Variants in SBF2 observed in about 807,000 individuals in gnomAD.
The protein encoded by SBF2 is myotubularin-related protein 13.
A neutral mutation model predicts 225.2 loss-of-function variants in SBF2; 112 were observed. That is an observed-to-expected ratio of 0.50 (90% confidence interval 0.43 to 0.58). The LOEUF is 0.58. Among genes scored for constraint, SBF2 ranks in the 20% least tolerant of loss-of-function variants. SBF2 has a pLI of 0.00. For missense variants in SBF2, 1,996 were observed against 2,206.2 expected, an observed-to-expected ratio of 0.90 and a Z score of 1.91; for synonymous variants, 763 against 773.3, an observed-to-expected ratio of 0.99 and a Z score of 0.22.
At chr11:10,269,070 A>G (rs1962251803) in intron 1 of SBF2, among the ~76,000 whole-genome samples, 1 of 152,240 alleles carries the variant, frequency 6.6e-6, no homozygotes, top group Non-Finnish European at 1.5e-5. Context: ...TACTGAGAGT[A>G]TAAACTGACA....
chr11:9,909,395 G>C (rs1232497789), intron 16 of SBF2, among the ~76,000 whole-genome samples: 1 of 151,978 alleles, frequency 6.6e-6, no homozygotes, highest in Non-Finnish European at 1.5e-5. Flanking sequence ...GAGGCGGCTG[G>C]GCGCGGTGGC....
intron 2 of SBF2, among the ~76,000 whole-genome samples, chr11:10,071,150 A>C (rs572390772): frequency 1.5e-4 from 22 of 151,370 alleles, no homozygotes; most frequent in Non-Finnish European, 2.5e-4. Context: ...AATACCCTTT[A>C]TTTCTTTCTC....
chr11:10,009,457 T>C (rs1012570567), intron 6 of SBF2, among the ~76,000 whole-genome samples: 7 of 152,016 alleles, frequency 4.6e-5, no homozygotes, highest in African/African-American at 1.7e-4. Flanking sequence ...CCCCTCCCTG[T>C]GTCCATGTGT....
intron 17 of SBF2, among the ~76,000 whole-genome samples, chr11:9,879,702 A>G (rs915190229): frequency 6.6e-6 from 1 of 152,228 alleles, no homozygotes; most frequent in Non-Finnish European, 1.5e-5. Flanking sequence ...GCACTAGGTT[A>G]GGTGCTTTAC....
intron 16 of SBF2, among the ~76,000 whole-genome samples, chr11:9,926,057 G>A (rs964614175): frequency 2.6e-5 from 4 of 152,204 alleles, no homozygotes; most frequent in African/African-American, 9.6e-5. Flanking sequence ...CTGATATGTG[G>A]ATCTTTCCCC....
In SBF2 at chr11:9,821,007, A is replaced by G. The variant is rs1382243490; in HGVS notation, c.3794-3983T>C. 2.6e-5 allele frequency among the ~76,000 whole-genome samples: 4 copies of G among 152,286 alleles called. No individual in the cohort carries two copies. The East Asian group carries it at 7.7e-4, about 29-fold the overall frequency. On this transcript the variant is annotated intron_variant, in intron 28 of 39. Coordinates refer to ENST00000256190, the MANE Select transcript of SBF2 (RefSeq NM_030962.4). ...GCTCCTTTTTTCTTGCAACATGTGG[A>G]TTACTATACCCTCCCTCTTTCTCGT...
intron 25 of SBF2, among the ~76,000 whole-genome samples, chr11:9,840,532 G>T (rs929398890): frequency 2.6e-5 from 4 of 152,192 alleles, no homozygotes; most frequent in Middle Eastern, 3.4e-3. Context: ...TTTCATGAAG[G>T]CTTGCTTATT....
chr11:10,109,744 A>G (rs1952745405), intron 2 of SBF2, among the ~76,000 whole-genome samples: 2 of 152,240 alleles, frequency 1.3e-5, no homozygotes, highest in South Asian at 4.1e-4. Flanking sequence ...ATGGTTACCA[A>G]TGATCATTAC....
At chr11:10,060,541 A>G (rs1950401237) in intron 2 of SBF2, among the ~76,000 whole-genome samples, 1 of 152,230 alleles carries the variant, frequency 6.6e-6, no homozygotes, top group Admixed American at 6.5e-5. Flanking sequence ...GGAGGCCAGC[A>G]TCATCCTGAT....
At chr11:10,034,934 C>G (rs888762671) in intron 3 of SBF2, among the ~76,000 whole-genome samples, 2 of 152,136 alleles carry the variant, frequency 1.3e-5, no homozygotes, top group African/African-American at 4.8e-5. Flanking sequence ...CAGGTTTGCC[C>G]TTTCATTGGT....
intron 13 of SBF2, among the ~76,000 whole-genome samples, chr11:9,979,610 T>C (rs1370450480): frequency 1.3e-5 from 2 of 152,192 alleles, no homozygotes; most frequent in African/African-American, 2.4e-5. Flanking sequence ...AGTCAATAAA[T>C]TAAAGTAACA....
chr11:10,221,934 TTG>T (rs1958353680), intron 1 of SBF2, among the ~76,000 whole-genome samples: 1 of 152,154 alleles, frequency 6.6e-6, no homozygotes, highest in African/African-American at 2.4e-5. Flanking sequence ...AAGACCACAG[TTG>T]CTGAAAAGTG....
intron 30 of SBF2, among the ~76,000 whole-genome samples, chr11:9,811,551 A>G (rs905446025): frequency 3.9e-5 from 6 of 152,180 alleles, no homozygotes; most frequent in African/African-American, 1.4e-4. Flanking sequence ...TGGGGACAGA[A>G]GGGAGTATCG....
At chr11:10,252,359 G>C in intron 1 of SBF2, among the ~76,000 whole-genome samples, 1 of 152,218 alleles carries the variant, frequency 6.6e-6, no homozygotes, top group East Asian at 1.9e-4. Flanking sequence ...TTGAGTCCTT[G>C]TGGACGAACT....
chr11:10,288,150 G>A (rs1476985730), intron 1 of SBF2, among the ~76,000 whole-genome samples: 2 of 152,172 alleles, frequency 1.3e-5, no homozygotes, highest in African/African-American at 4.8e-5. Context: ...CTCCCAGAAG[G>A]GCCACAGCTC....
intron 16 of SBF2, among the ~76,000 whole-genome samples, chr11:9,907,534 T>C (rs1862211609): frequency 6.6e-6 from 1 of 152,200 alleles, no homozygotes; most frequent in Non-Finnish European, 1.5e-5. Context: ...AGTTTCAGCT[T>C]CAAGTTATAT....
At chr11:10,050,474 G>T (rs1395424228) in intron 2 of SBF2, among the ~76,000 whole-genome samples, 1 of 151,954 alleles carries the variant, frequency 6.6e-6, no homozygotes, top group African/African-American at 2.4e-5. Flanking sequence ...TAACAATGAT[G>T]TTTAGTTTAT....
intron 6 of SBF2, chr11:10,016,879 T>C (rs906622167): frequency 4.6e-5 from 7 of 152,234 alleles, no homozygotes; most frequent in Non-Finnish European, 1.0e-4. Context: ...CACAGTTACA[T>C]AGCTATTGAG....
At chr11:9,985,515 G>T (rs1402701881) in intron 13 of SBF2, among the ~76,000 whole-genome samples, 2 of 152,020 alleles carry the variant, frequency 1.3e-5, no homozygotes, top group East Asian at 3.8e-4. Flanking sequence ...TAGAGACAGG[G>T]TTTCACCATG....
Sources: allele counts gnomAD v4.1 joint callset (sites outside exome capture counted in the v4.1 genomes callset), GRCh38; gene constraint gnomAD v4.1.1; transcripts MANE v1.5; gene names NCBI Gene and HGNC (gene_info 2026-07-23, HGNC 2026-07-21).